The following CAMK1D variants were observed in gnomAD, a reference collection of about 807,000 sequenced individuals.
The protein encoded by CAMK1D is calcium/calmodulin dependent protein kinase ID.
CAMK1D carries 9 observed loss-of-function variants against 47.7 expected under a neutral mutation model. That is an observed-to-expected ratio of 0.19 (90% confidence interval 0.11 to 0.33). The LOEUF (loss-of-function observed/expected upper bound fraction) is 0.33. CAMK1D is among the 10% of genes least tolerant of loss of function. The pLI, the probability that CAMK1D is intolerant of heterozygous loss-of-function variation, is 1.00. For synonymous variants in CAMK1D, 184 were observed against 184.9 expected (o/e 0.99, Z 0.04); for missense variants, 291 against 488.7 (o/e 0.60, Z 3.81).
intron 1 of CAMK1D, among the ~76,000 whole-genome samples, chr10:12,442,867 C>T (rs770948873): frequency 1.4e-4 from 21 of 152,310 alleles, no homozygotes; most frequent in South Asian, 8.3e-4. Flanking sequence ...TATTTGGAAA[C>T]GTCCAAAATT....
intron 3 of CAMK1D, among the ~76,000 whole-genome samples, chr10:12,747,501 C>T (rs771142601): frequency 3.8e-4 from 58 of 151,878 alleles, no homozygotes; most frequent in Non-Finnish European, 7.5e-4. Flanking sequence ...GAGACAGGAG[C>T]GGAGGGGAGC....
intron 3 of CAMK1D, among the ~76,000 whole-genome samples, chr10:12,720,247 G>T (rs1327537472): frequency 6.6e-6 from 1 of 152,202 alleles, no homozygotes; most frequent in Admixed American, 6.5e-5. Flanking sequence ...GGGTATAAAA[G>T]AACCCAGCCT....
intron 1 of CAMK1D, among the ~76,000 whole-genome samples, chr10:12,538,794 G>A (rs1319525680): frequency 6.6e-6 from 1 of 151,370 alleles, no homozygotes; most frequent in Non-Finnish European, 1.5e-5. Flanking sequence ...CCCAGGGCAG[G>A]TCAGGAGCTC....
chr10:12,436,702 C>A (rs1464329613), intron 1 of CAMK1D, among the ~76,000 whole-genome samples: 5 of 152,122 alleles, frequency 3.3e-5, no homozygotes, highest in Admixed American at 1.3e-4. Context: ...TCTGTGTGGG[C>A]ATGCTGGCAT....
At chr10:12,729,318 G>A (rs1834788247) in intron 3 of CAMK1D, among the ~76,000 whole-genome samples, 1 of 152,224 alleles carries the variant, frequency 6.6e-6, no homozygotes, top group Non-Finnish European at 1.5e-5. Flanking sequence ...TAGCATGTTA[G>A]AAGATGCCGA....
chr10:12,736,336 C>G (rs1269533848), intron 3 of CAMK1D, among the ~76,000 whole-genome samples: 2 of 152,184 alleles, frequency 1.3e-5, no homozygotes. Flanking sequence ...CATGTACTGC[C>G]AAGTAGCCTT....
intron 1 of CAMK1D, among the ~76,000 whole-genome samples, chr10:12,501,638 C>T (rs149001081): frequency 3.0e-3 from 357 of 117,658 alleles, no homozygotes; most frequent in Middle Eastern, 0.012. Flanking sequence ...CAGCAGTTCT[C>T]GACTGAGAGT....
chr10:12,642,949 A>G (rs1200031651), intron 2 of CAMK1D, among the ~76,000 whole-genome samples: 1 of 152,128 alleles, frequency 6.6e-6, no homozygotes, highest in Non-Finnish European at 1.5e-5. Context: ...AATGATTATG[A>G]AAATTAGGGG....
intron 1 of CAMK1D, among the ~76,000 whole-genome samples, chr10:12,408,222 C>T (rs1259908025): frequency 6.6e-6 from 1 of 150,660 alleles, no homozygotes; most frequent in Non-Finnish European, 1.5e-5. Flanking sequence ...AGTGCAGTGG[C>T]ATGATCTCGG....
chr10:12,443,845 G>A (rs545259063), intron 1 of CAMK1D, among the ~76,000 whole-genome samples: 50 of 152,260 alleles, frequency 3.3e-4, no homozygotes, highest in Admixed American at 7.8e-4. Flanking sequence ...GGCCAGGATG[G>A]TCTCGAACTT....
At chr10:12,704,752 T>C (rs1035717864) in intron 3 of CAMK1D, among the ~76,000 whole-genome samples, 1 of 152,238 alleles carries the variant, frequency 6.6e-6, no homozygotes, top group African/African-American at 2.4e-5. Context: ...TTTCTGTCAT[T>C]CCTTTAAATG....
chr10:12,791,872 G>T (rs1411890019), intron 6 of CAMK1D, among the ~76,000 whole-genome samples: 1 of 152,166 alleles, frequency 6.6e-6, no homozygotes, highest in Non-Finnish European at 1.5e-5. Context: ...GTTCTACCTT[G>T]AATTTCTGAG....
intron 1 of CAMK1D, among the ~76,000 whole-genome samples, chr10:12,491,126 G>C (rs1834370080): frequency 6.6e-6 from 1 of 151,506 alleles, no homozygotes; most frequent in African/African-American, 2.4e-5. Context: ...GGTTGTAACT[G>C]CATCACTGGA....
intron 3 of CAMK1D, chr10:12,725,325 C>T (rs1488650568): frequency 6.4e-6 from 1 of 155,858 alleles, no homozygotes; most frequent in African/African-American, 2.4e-5. Context: ...ATGGCAAAAA[C>T]CGCCATTACT....
intron 1 of CAMK1D, among the ~76,000 whole-genome samples, chr10:12,406,410 T>C (rs1326131241): frequency 6.6e-6 from 1 of 152,068 alleles, no homozygotes; most frequent in Non-Finnish European, 1.5e-5. Flanking sequence ...ATTGTTATTG[T>C]TTTTTTAATT....
intron 2 of CAMK1D, among the ~76,000 whole-genome samples, chr10:12,613,934 G>C (rs1838706584): frequency 6.6e-6 from 1 of 152,166 alleles, no homozygotes; most frequent in Non-Finnish European, 1.5e-5. Flanking sequence ...CTGTAAGTGC[G>C]GGAGTCTGAC....
intron 1 of CAMK1D, among the ~76,000 whole-genome samples, chr10:12,423,533 A>G (rs898689501): frequency 1.3e-5 from 2 of 152,174 alleles, no homozygotes; most frequent in East Asian, 3.9e-4. Flanking sequence ...AAAGAAAGAA[A>G]GGCCCCTTCA....
intron 2 of CAMK1D, among the ~76,000 whole-genome samples, chr10:12,666,310 C>G (rs973649427): frequency 6.6e-6 from 1 of 152,106 alleles, no homozygotes; most frequent in Non-Finnish European, 1.5e-5. Flanking sequence ...TCTCCCTGCT[C>G]CCTGACATAT....
At position 12,641,808 on chromosome 10, in the gene CAMK1D, G is replaced by A. The variant is rs538102003; in HGVS notation, c.225-24928G>A. Among the ~76,000 whole-genome samples the A allele has an allele frequency of 5.3e-5, 8 of 152,094 alleles. No individual in the cohort carries two copies. The South Asian group carries it at 1.7e-3, about 32-fold the overall frequency. On this transcript the variant is annotated intron_variant, in intron 2 of 10. Transcript: ENST00000619168. Reference sequence around the variant, plus strand: ...GCATGTAATCCCAAAACTTTGGGAGGCCAAGGCGGGCAGATCAGTTGAGGC... The same window carrying A: ...GCATGTAATCCCAAAACTTTGGGAGACCAAGGCGGGCAGATCAGTTGAGGC...
Sources: gnomAD v4.1 joint callset for allele counts (sites outside exome capture counted in the v4.1 genomes callset) on GRCh38, gnomAD v4.1.1 for gene constraint, MANE v1.5 for transcripts, NCBI Gene and HGNC (gene_info 2026-07-23, HGNC 2026-07-21) for gene names.